RHOBTB2: variants seen among roughly 807,000 people sequenced by gnomAD.
RHOBTB2 encodes the protein Rho related BTB domain containing 2, also known as rho-related BTB domain-containing protein 2.
A neutral mutation model predicts 66.5 loss-of-function variants in RHOBTB2; 39 were observed. The ratio of observed to expected loss-of-function variants is 0.59; its 90% CI spans 0.45 to 0.77. The LOEUF (loss-of-function observed/expected upper bound fraction) is 0.77, where lower values mean the gene tolerates loss of function less well. RHOBTB2 is among the 30% of genes least tolerant of loss of function. The probability of loss-of-function intolerance (pLI) is 0.00; values close to 1 mark genes in which losing one functional copy is unlikely to be tolerated. For missense variants in RHOBTB2, 755 were observed against 999.1 expected, an observed-to-expected ratio of 0.76 and a Z score of 3.29; for synonymous variants, 390 against 395.0, an observed-to-expected ratio of 0.99 and a Z score of 0.15.
chr8:22,964,656 T>G, the RHOBTB2 span, among the ~76,000 whole-genome samples: 1 of 152,082 alleles, frequency 6.6e-6, no homozygotes, highest in African/African-American at 2.4e-5. Flanking sequence ...TCGTGTATGG[T>G]CAGTGAAGAT....
At chr8:22,967,890 C>T in the RHOBTB2 span, among the ~76,000 whole-genome samples, 1 of 151,900 alleles carries the variant, frequency 6.6e-6, no homozygotes, top group Non-Finnish European at 1.5e-5. Context: ...GGTGCCATGG[C>T]TCACACCTGT....
intron 6 of RHOBTB2, 53 bp from the exon 7 acceptor site, chr8:23,010,485 A>T: frequency 6.4e-7 from 1 of 1,572,218 alleles, no homozygotes; most frequent in South Asian, 1.2e-5. Flanking sequence ...GGTTCAGTTC[A>T]TCTTCTCCTA....
At chr8:22,995,768 C>T (rs768995685), upstream of RHOBTB2, 40 of 1,357,784 alleles carry the variant, frequency 2.9e-5, no homozygotes, top group East Asian at 3.2e-4. Context: ...AGGAACACCA[C>T]GTGCCCCAGC....
chr8:22,994,982 TC>T (rs767450746), upstream of RHOBTB2, among the ~76,000 whole-genome samples: 4 of 152,172 alleles, frequency 2.6e-5, no homozygotes, highest in Non-Finnish European at 5.9e-5. Context: ...GCCAGGCTGG[TC>T]TCAAACTCCT....
Position 23,017,556 on chromosome 8 carries a change from C to A in RHOBTB2, c.*87C>A. On this transcript the variant is annotated 3_prime_UTR_variant, in exon 10 of 10. Coordinates refer to ENST00000251822, the MANE Select transcript of RHOBTB2 (RefSeq NM_015178.3). The surrounding 1 kb of genome is among the most constrained non-coding windows in gnomAD (Gnocchi z 5.3). ...CTTCCGCATCACCCCATCCACCTTA[C>A]AGGGACCAGGGGGCCCACGTAACCA... 6.6e-7 allele frequency: 1 copy of A among 1,520,966 alleles called. No individual in the cohort carries two copies. The allele number at this position is 1,520,966 out of a possible 1,614,324, so 94.2% of individuals were successfully genotyped here.
chr8:22,997,416 C>G (rs905154877), upstream of RHOBTB2, among the ~76,000 whole-genome samples: 13 of 152,296 alleles, frequency 8.5e-5, no homozygotes, highest in Admixed American at 8.5e-4. Context: ...AAGCTCCTGC[C>G]TCTGCCTGAA....
intron 6 of RHOBTB2, 108 bp downstream of exon 6, chr8:23,008,219 A>G (rs1811033647): frequency 1.3e-6 from 1 of 763,338 alleles, no homozygotes; most frequent in South Asian, 1.7e-5. Context: ...TGTGCTAACC[A>G]CAGGGTGATG....
At position 23,006,605 on chromosome 8, in the gene RHOBTB2, G is replaced by T; in HGVS notation, c.483-123G>T. The T allele has an allele frequency of 1.1e-6, 1 of 930,206 alleles. No individual in the cohort carries two copies. Among genetic ancestry groups the T allele is most frequent in the East Asian group, 2.4e-5 (1 of 41,176 alleles). 57.6% of individuals were successfully genotyped at this position (930,206 alleles called of 1,614,324 possible). A position where few individuals can be genotyped will look rare whatever the true frequency, so the allele number is the denominator to read the frequency against. On this transcript the variant is annotated intron_variant, in intron 4 of 9. Transcript: ENST00000251822. The surrounding 1 kb of genome is among the most constrained non-coding windows in gnomAD (Gnocchi z 6.1). ...GCTTGATGGGATTTGGCCAGACAGA[G>T]CAGGGCAGGAGTGGGTGGGGATTGG...
upstream of RHOBTB2, among the ~76,000 whole-genome samples, chr8:22,998,366 G>C (rs569546843): frequency 6.6e-6 from 1 of 152,260 alleles, no homozygotes; most frequent in African/African-American, 2.4e-5. Context: ...GCTGGTCTGG[G>C]CTTTAAAAAT....
At chr8:22,974,903 G>A in the RHOBTB2 span, among the ~76,000 whole-genome samples, 1 of 152,142 alleles carries the variant, frequency 6.6e-6, no homozygotes, top group East Asian at 1.9e-4. Flanking sequence ...CAAGGGAAAT[G>A]CCTCACCCAC....
In RHOBTB2 at chr8:23,007,412, G is replaced by C; in HGVS notation, c.1167G>C (p.Trp389Cys). 1.2e-6 allele frequency: 2 copies of C among 1,614,132 alleles called. No individual in the cohort carries two copies. The highest frequency in any genetic ancestry group is 1.7e-6 in the Non-Finnish European group (2 of 1,180,032). The change falls in exon 5 of 10, where the codon TGG (tryptophan) becomes TGC (cysteine). Residue 389 changes from tryptophan to cysteine, a missense_variant. Coordinates refer to ENST00000251822, the MANE Select transcript of RHOBTB2 (RefSeq NM_015178.3). ...GCAGGGGTCGTGTGCTGTCTTCCTG[G>C]AGCCGAGCTTTTGTGAGCATCCAGG... ...LPGRGRVLSS[W>C]SRAFVSIQEE...
intron 1 of RHOBTB2, among the ~76,000 whole-genome samples, chr8:22,988,363 T>A (rs1810338978): frequency 6.6e-6 from 1 of 151,946 alleles, no homozygotes; most frequent in African/African-American, 2.4e-5. Flanking sequence ...GGTTTCAGCA[T>A]ATTGGCCACA....
chr8:22,961,517 A>G, the RHOBTB2 span, among the ~76,000 whole-genome samples: 19 of 152,304 alleles, frequency 1.2e-4, no homozygotes, highest in South Asian at 1.2e-3. Context: ...AAACTCTGCT[A>G]AATTTAATTT....
Position 23,007,681 on chromosome 8 carries a change from C to A in RHOBTB2, c.1436C>A (p.Thr479Asn). The change falls in exon 5 of 10, where the codon ACC becomes AAC. Residue 479 changes from threonine to asparagine, a missense_variant. Around this residue, in one of 7 missense-constraint regions of RHOBTB2, gnomAD observed 353 missense variants for 458.2 expected, o/e 0.77. Coordinates refer to ENST00000251822, the MANE Select transcript of RHOBTB2 (RefSeq NM_015178.3). Reference sequence around the variant, plus strand: ...GAGGCCTTCATGAACCAGGAGATCACCAAGGCCTTCCACGTCCGCCGGACC... The same window carrying A: ...GAGGCCTTCATGAACCAGGAGATCAACAAGGCCTTCCACGTCCGCCGGACC... ...NNEAFMNQEI[T>N]KAFHVRRTNR... The A allele has an allele frequency of 6.2e-7, 1 of 1,614,208 alleles. No individual in the cohort carries two copies. Among genetic ancestry groups the A allele is most frequent in the Non-Finnish European group, 8.5e-7 (1 of 1,180,036 alleles).
chr8:23,003,942 A>C, intron 1 of RHOBTB2: 1 of 231,750 alleles, frequency 4.3e-6, no homozygotes, highest in Non-Finnish European at 8.6e-6. Context: ...CCCAGTTCTG[A>C]CAAGTCCATT....
At chr8:22,961,777 C>T in the RHOBTB2 span, among the ~76,000 whole-genome samples, 75 of 152,218 alleles carry the variant, frequency 4.9e-4, no homozygotes, top group Middle Eastern at 3.4e-3. Context: ...ACTGCACTGA[C>T]GTGATTTCCT....
the RHOBTB2 span, among the ~76,000 whole-genome samples, chr8:22,981,792 C>T: frequency 6.6e-6 from 1 of 152,220 alleles, no homozygotes; most frequent in East Asian, 1.9e-4. Context: ...CATACTCTTA[C>T]AGCAAAGTGC....
At chr8:22,957,796 T>A in the RHOBTB2 span, among the ~76,000 whole-genome samples, 2 of 152,340 alleles carry the variant, frequency 1.3e-5, no homozygotes, top group Non-Finnish European at 1.5e-5. Context: ...AACTTTTTTT[T>A]AATCTATAAC....
the RHOBTB2 span, among the ~76,000 whole-genome samples, chr8:22,954,979 A>T: frequency 1.1e-4 from 16 of 152,210 alleles, no homozygotes; most frequent in South Asian, 1.0e-3. Context: ...AAAAATACAA[A>T]AATTAGCTGG....
Sources: allele counts gnomAD v4.1 joint callset (sites outside exome capture counted in the v4.1 genomes callset), GRCh38; gene constraint gnomAD v4.1.1; regional missense constraint gnomAD v4.1.1; non-coding constraint Gnocchi (gnomAD v3.1); transcripts MANE v1.5; gene names NCBI Gene and HGNC (gene_info 2026-07-23, HGNC 2026-07-21).